CTSC: variants seen among roughly 807,000 people sequenced by gnomAD.
CTSC encodes the protein cathepsin C.
A neutral mutation model predicts 40.9 loss-of-function variants in CTSC; 37 were observed. That is an observed-to-expected ratio of 0.91 (90% CI 0.70 to 1.19). The LOEUF (loss-of-function observed/expected upper bound fraction) is 1.19. Among genes scored for constraint, CTSC ranks in the 50% most tolerant of loss-of-function variants. The pLI, the probability that CTSC is intolerant of heterozygous loss-of-function variation, is 0.00. For missense variants in CTSC, 594 were observed against 567.3 expected, an observed-to-expected ratio of 1.05 and a Z score of -0.48; for synonymous variants, 232 against 207.4, an observed-to-expected ratio of 1.12 and a Z score of -1.02.
intron 2 of CTSC, among the ~76,000 whole-genome samples, chr11:88,313,110 C>CAA (rs1937801223): frequency 6.6e-6 from 1 of 152,136 alleles, no homozygotes; most frequent in Non-Finnish European, 1.5e-5. Context: ...TGCTGTGTTG[C>CAA]CCAGGCTGGA....
At chr11:88,331,114 G>A (rs1260528085) in intron 2 of CTSC, among the ~76,000 whole-genome samples, 1 of 152,082 alleles carries the variant, frequency 6.6e-6, no homozygotes, top group Non-Finnish European at 1.5e-5. Context: ...AAAAGACTTC[G>A]GTGACCCCAA....
At chr11:88,295,838 C>A (rs1000373907) in intron 6 of CTSC, among the ~76,000 whole-genome samples, 2 of 152,108 alleles carry the variant, frequency 1.3e-5, no homozygotes, top group Admixed American at 6.5e-5. Context: ...TCCTGTTCCC[C>A]GCCCATAAAT....
At chr11:88,328,390 T>C (rs1938250811) in intron 2 of CTSC, among the ~76,000 whole-genome samples, 1 of 152,216 alleles carries the variant, frequency 6.6e-6, no homozygotes, top group Non-Finnish European at 1.5e-5. Flanking sequence ...GAGCTTGATA[T>C]ATTGAATCCA....
intron 2 of CTSC, among the ~76,000 whole-genome samples, chr11:88,330,790 T>C (rs1020459421): frequency 1.1e-4 from 17 of 152,246 alleles, no homozygotes; most frequent in Non-Finnish European, 7.3e-5. Context: ...ATCCCTACTA[T>C]ACCCCCAATT....
rs1555029118 is a variant in CTSC at position 88,316,475 on chromosome 11, C to CTAAATAAAAAAA, written c.319-3922_319-3921insTTTTTTTATTTA. 3.4e-5 allele frequency among the ~76,000 whole-genome samples: 5 copies of CTAAATAAAAAAA among 145,124 alleles called. No individual in the cohort carries two copies. In the East Asian group the frequency reaches 6.1e-4, roughly 18 times the overall value. On this transcript the variant is annotated intron_variant, in intron 2 of 6. Transcript: ENST00000227266. ...TGGATGACAGAATCAGATCCATTCT[C>CTAAATAAAAAAA]TAAATAAATAAATAAATAAATAAAT...
chr11:88,332,422 C>G (rs1938386697), intron 2 of CTSC, among the ~76,000 whole-genome samples: 1 of 152,288 alleles, frequency 6.6e-6, no homozygotes, highest in South Asian at 2.1e-4. Context: ...ATGGTAAAAT[C>G]TGTAAACTTT....
chr11:88,310,416 A>G (rs1937727415), intron 3 of CTSC, among the ~76,000 whole-genome samples: 1 of 152,072 alleles, frequency 6.6e-6, no homozygotes, highest in African/African-American at 2.4e-5. Context: ...TATTATTACT[A>G]TTAAAAAAGA....
chr11:88,312,298 A>G (rs1242786265), intron 3 of CTSC, 90 bp downstream of exon 3: 3 of 1,234,966 alleles, frequency 2.4e-6, no homozygotes, highest in African/African-American at 3.0e-5. Context: ...GATATTTTGT[A>G]TAATCAAACT....
At position 88,312,529 on chromosome 11, in the gene CTSC, G is replaced by A. The variant is rs148845266; in HGVS notation, c.344C>T (p.Thr115Ile). 2.2e-4 allele frequency: 355 copies of A among 1,614,148 alleles called. No individual in the cohort carries two copies. Among genetic ancestry groups the A allele is most frequent in the Non-Finnish European group, 2.8e-4 (333 of 1,180,024 alleles). ...FKYKEEGSKVTTYCNETMTGW... is the reference protein window; with the variant it reads ...FKYKEEGSKVITYCNETMTGW... Reference sequence around the variant, plus strand: ...AGTCATTGTCTCGTTGCAGTAAGTGGTCACCTTGCTGCCCTCTTCTTTATA... The same window carrying A: ...AGTCATTGTCTCGTTGCAGTAAGTGATCACCTTGCTGCCCTCTTCTTTATA... Residue 115 changes from threonine to isoleucine, a missense_variant, in exon 3 of 7, where the codon ACC becomes ATC. By Grantham distance (89) the Thr-to-Ile change is moderately conservative. Transcript: ENST00000227266.
chr11:88,328,648 GAC>G (rs1938259057), intron 2 of CTSC, among the ~76,000 whole-genome samples: 2 of 152,188 alleles, frequency 1.3e-5, no homozygotes, highest in Admixed American at 1.3e-4. Flanking sequence ...TTGTTTTTGA[GAC>G]AGAGTCTCAC....
At chr11:88,296,603 A>G in intron 5 of CTSC, 1 of 351,132 alleles carries the variant, frequency 2.8e-6, no homozygotes. Flanking sequence ...CAAAGCCATC[A>G]GGTTGGGTGA....
In CTSC at chr11:88,294,249, G is replaced by A. The variant is rs2134763345; in HGVS notation, c.1149C>T (p.Tyr383=). 1.2e-6 allele frequency: 2 copies of A among 1,614,020 alleles called. No individual in the cohort carries two copies. The change falls in exon 7 of 7, where the codon TAC becomes TAT. Residue 383 remains tyrosine, a synonymous_variant. Transcript: ENST00000227266. ...CAGTGTGGTGGTAGATCCCCTTTTT[G>A]TAGTGGAGGAAGTCATCATATACTT... The part of the protein sequence containing the change: ...AFEVYDDFLH[Y]KKGIYHHTGL...
intron 4 of CTSC, among the ~76,000 whole-genome samples, chr11:88,308,008 C>CT (rs1937670391): frequency 6.6e-6 from 1 of 152,070 alleles, no homozygotes; most frequent in Non-Finnish European, 1.5e-5. Context: ...GAGGATGAAA[C>CT]TAGAAGCATT....
Position 88,300,631 on chromosome 11 carries a change from G to C in CTSC, c.656C>G (p.Pro219Arg), listed in dbSNP as rs768749029. The C allele has an allele frequency of 1.9e-6, 3 of 1,611,644 alleles. No individual in the cohort carries two copies. Among genetic ancestry groups the C allele is most frequent in the South Asian group, 1.1e-5 (1 of 91,036 alleles). Residue 219 changes from proline (P) to arginine (R), a missense_variant, in exon 5 of 7, where the codon CCA (proline) becomes CGA (arginine). Coordinates refer to ENST00000227266, the MANE Select transcript of CTSC (RefSeq NM_001814.6). ...CTTTTGCTGTATTTCAGCAGTCAGT[G>C]GTGCAGGTTTGGGCCTAGAAAGGAA... ...SRKIPRPKPA[P>R]LTAEIQQKIL...
chr11:88,312,755 T>A (rs1403910806), intron 2 of CTSC, among the ~76,000 whole-genome samples: 3 of 151,884 alleles, frequency 2.0e-5, no homozygotes, highest in Non-Finnish European at 4.4e-5. Context: ...CCAAACAAAA[T>A]GTATATAACA....
intron 4 of CTSC, among the ~76,000 whole-genome samples, chr11:88,306,765 C>A (rs1448407979): frequency 6.6e-6 from 1 of 152,246 alleles, no homozygotes; most frequent in Non-Finnish European, 1.5e-5. Context: ...CTTAGGCTGT[C>A]ACATTGGACC....
chr11:88,327,790 A>G (rs1938231921), intron 2 of CTSC: 2 of 365,502 alleles, frequency 5.5e-6, no homozygotes, highest in Non-Finnish European at 1.0e-5. Flanking sequence ...TACGAATGTG[A>G]ACTGAACTTG....
At position 88,312,429 on chromosome 11, in the gene CTSC, A is replaced by T. The variant is rs199611808; in HGVS notation, c.444T>A (p.Asn148Lys). The change falls in exon 3 of 7, where the codon AAT (asparagine) becomes AAA (lysine). Residue 148 changes from asparagine to lysine, a missense_variant. Transcript: ENST00000227266. ...TGKKVGTASE[N>K]VYVNIAHLKN... ...TAAGGTGTGCTATGTTGACATACAC[A>T]TTCTCAGAGGCAGTTCCCACCTTCT... The T allele has an allele frequency of 1.9e-6, 3 of 1,614,048 alleles. No homozygotes were observed. The highest frequency in any genetic ancestry group is 2.5e-6 in the Non-Finnish European group (3 of 1,180,022).
chr11:88,333,607 C>T (rs1436216545), intron 2 of CTSC, among the ~76,000 whole-genome samples: 14 of 152,142 alleles, frequency 9.2e-5, no homozygotes, highest in African/African-American at 3.4e-4. Context: ...GGCTCATCAA[C>T]GTATACACCA....
Sources: allele counts gnomAD v4.1 joint callset (sites outside exome capture counted in the v4.1 genomes callset), GRCh38; gene constraint gnomAD v4.1.1; transcripts MANE v1.5; gene names NCBI Gene and HGNC (gene_info 2026-07-23, HGNC 2026-07-21).